PTPRD: variants seen among roughly 807,000 people sequenced by gnomAD.
PTPRD encodes receptor-type tyrosine-protein phosphatase delta.
A neutral mutation model predicts 214.5 loss-of-function variants in PTPRD; 34 were observed. That is an observed-to-expected ratio of 0.16 (90% confidence interval 0.12 to 0.21). The LOEUF is 0.21. Among genes scored for constraint, PTPRD ranks in the 10% least tolerant of loss-of-function variants. The pLI is 1.00. For missense variants in PTPRD, 2,545 were observed against 2,398.7 expected, an observed-to-expected ratio of 1.06 and a Z score of -1.27; for synonymous variants, 1,128 against 845.7, an observed-to-expected ratio of 1.33 and a Z score of -5.79.
At chr9:8,699,999 G>A (rs924286381) in intron 12 of PTPRD, among the ~76,000 whole-genome samples, 3 of 152,040 alleles carry the variant, frequency 2.0e-5, no homozygotes, top group African/African-American at 7.3e-5. Context: ...TATGATGGCG[G>A]CATTCTTAAA....
At chr9:9,935,615 T>A (rs1332161967) in intron 5 of PTPRD, among the ~76,000 whole-genome samples, 1 of 150,370 alleles carries the variant, frequency 6.7e-6, no homozygotes, top group Non-Finnish European at 1.5e-5. Context: ...TGCTCATGGG[T>A]AGGAACAATC....
chr9:10,189,257 T>A (rs547509869), intron 3 of PTPRD, among the ~76,000 whole-genome samples: 35 of 152,252 alleles, frequency 2.3e-4, no homozygotes, highest in Middle Eastern at 3.4e-3. Context: ...CTGCTGCCAC[T>A]TTTAGGGTGA....
intron 14 of PTPRD, among the ~76,000 whole-genome samples, chr9:8,602,155 T>C (rs1316146340): frequency 6.6e-6 from 1 of 152,196 alleles, no homozygotes; most frequent in Non-Finnish European, 1.5e-5. Context: ...AATAAACTGG[T>C]GAAAGAAAAG....
intron 2 of PTPRD, among the ~76,000 whole-genome samples, chr9:10,610,290 T>C (rs1462620851): frequency 1.3e-5 from 2 of 152,186 alleles, no homozygotes; most frequent in Non-Finnish European, 2.9e-5. Context: ...TCCTTAGCAC[T>C]ATGACATAAT....
chr9:10,453,387 T>C (rs1332929432), intron 2 of PTPRD, among the ~76,000 whole-genome samples: 1 of 151,674 alleles, frequency 6.6e-6, no homozygotes, highest in Non-Finnish European at 1.5e-5. Flanking sequence ...CTGATCTGTA[T>C]GCCACATTGG....
intron 33 of PTPRD, among the ~76,000 whole-genome samples, chr9:8,457,610 G>A (rs1295559164): frequency 6.6e-6 from 1 of 152,034 alleles, no homozygotes; most frequent in African/African-American, 2.4e-5. Flanking sequence ...AGACAGCTGG[G>A]TAAAATATAC....
intron 8 of PTPRD, among the ~76,000 whole-genome samples, chr9:9,401,246 T>A (rs1391518429): frequency 6.6e-6 from 1 of 152,100 alleles, no homozygotes; most frequent in East Asian, 1.9e-4. Flanking sequence ...CATACATGCA[T>A]ACATAATAAT....
At chr9:8,572,144 G>A (rs915323459) in intron 14 of PTPRD, among the ~76,000 whole-genome samples, 1 of 152,100 alleles carries the variant, frequency 6.6e-6, no homozygotes, top group African/African-American at 2.4e-5. Context: ...TAATAGGCAA[G>A]TTCTGAGTGT....
At chr9:9,701,803 A>G (rs374839910) in intron 7 of PTPRD, among the ~76,000 whole-genome samples, 1 of 152,164 alleles carries the variant, frequency 6.6e-6, no homozygotes, top group African/African-American at 2.4e-5. Context: ...AGCTTTCTAT[A>G]TAAACTGATA....
intron 5 of PTPRD, among the ~76,000 whole-genome samples, chr9:9,895,089 A>G (rs931981789): frequency 6.6e-5 from 10 of 151,998 alleles, no homozygotes; most frequent in African/African-American, 2.2e-4. Context: ...GAGGGATATG[A>G]GTTACAAAGC....
At chr9:9,335,736 T>A (rs1352601312) in intron 9 of PTPRD, among the ~76,000 whole-genome samples, 1 of 152,086 alleles carries the variant, frequency 6.6e-6, no homozygotes, top group Non-Finnish European at 1.5e-5. Context: ...AAATGAATTA[T>A]ACCTTGGAGA....
At chr9:10,287,463 GACCCCATGC>G (rs2095395974) in intron 3 of PTPRD, among the ~76,000 whole-genome samples, 1 of 152,114 alleles carries the variant, frequency 6.6e-6, no homozygotes. Flanking sequence ...CTGGTTAAAT[GACCCCATGC>G]ACCCTATGAA....
intron 8 of PTPRD, among the ~76,000 whole-genome samples, chr9:9,514,572 C>T (rs1444550581): frequency 1.3e-5 from 2 of 152,082 alleles, no homozygotes; most frequent in Non-Finnish European, 2.9e-5. Flanking sequence ...GTTAAAATTG[C>T]TAAGTCCCAT....
intron 4 of PTPRD, among the ~76,000 whole-genome samples, chr9:10,003,847 T>A (rs1448826487): frequency 6.6e-6 from 1 of 151,792 alleles, no homozygotes; most frequent in Non-Finnish European, 1.5e-5. Context: ...ATTTTTTTAA[T>A]ACCCTAATGG....
intron 10 of PTPRD, among the ~76,000 whole-genome samples, chr9:9,082,026 A>G (rs980510678): frequency 2.6e-5 from 4 of 152,088 alleles, no homozygotes; most frequent in Non-Finnish European, 5.9e-5. Context: ...AAATTCTACC[A>G]GAGGTACAAA....
chr9:9,060,248 T>C (rs1435544626), intron 10 of PTPRD, among the ~76,000 whole-genome samples: 5 of 152,130 alleles, frequency 3.3e-5, no homozygotes, highest in Non-Finnish European at 7.4e-5. Context: ...AGGAGACCCA[T>C]GCAAACATAG....
At chr9:9,374,010 G>T (rs1476932578) in intron 9 of PTPRD, among the ~76,000 whole-genome samples, 2 of 151,698 alleles carry the variant, frequency 1.3e-5, no homozygotes, top group Non-Finnish European at 2.9e-5. Context: ...ATTTTAATGA[G>T]CTTATCATTT....
intron 10 of PTPRD, among the ~76,000 whole-genome samples, chr9:9,114,099 C>G (rs2099809811): frequency 6.6e-6 from 1 of 152,074 alleles, no homozygotes; most frequent in African/African-American, 2.4e-5. Context: ...TCCTTTTGAC[C>G]TGAATTTTCA....
intron 20 of PTPRD, among the ~76,000 whole-genome samples, chr9:8,519,015 G>A (rs2097841669): frequency 6.6e-6 from 1 of 152,056 alleles, no homozygotes; most frequent in African/African-American, 2.4e-5. Context: ...AAATTAAATT[G>A]CGATGAAACA....
Sources: allele counts gnomAD v4.1 joint callset (sites outside exome capture counted in the v4.1 genomes callset), GRCh38; gene constraint gnomAD v4.1.1; transcripts MANE v1.5; gene names NCBI Gene and HGNC (gene_info 2026-07-23, HGNC 2026-07-21).